Variants in GRM4 observed in about 807,000 individuals in gnomAD.
The protein encoded by GRM4 is glutamate metabotropic receptor 4.
In GRM4, 28 loss-of-function variants were observed where a neutral mutation model predicts 81.7. That is an observed-to-expected ratio of 0.34 (90% CI 0.25 to 0.47). The LOEUF (loss-of-function observed/expected upper bound fraction) is 0.47, where lower values mean the gene tolerates loss of function less well. Ranked by LOEUF, GRM4 falls within the 20% of genes least tolerant of loss-of-function variation. The probability of loss-of-function intolerance (pLI) is 1.00; values close to 1 mark genes in which losing one functional copy is unlikely to be tolerated. For synonymous variants in GRM4, 488 were observed against 528.8 expected (o/e 0.92, Z 1.06); for missense variants, 948 against 1,290.0 (o/e 0.73, Z 4.06).
chr6:34,069,292 C>T lies in GRM4; in HGVS notation c.737-7264G>A, dbSNP rs1766668395. On this transcript the variant is annotated intron_variant, in intron 3 of 10. Transcript: ENST00000538487. The surrounding 1 kb of genome is among the most constrained non-coding windows in gnomAD (Gnocchi z 6.4). Reference sequence around the variant, plus strand: ...TCAGGAAGGGGACCAGAAATAGCTGCTCAGAGGGCTTGGTGACTGGTGACT... The same window carrying T: ...TCAGGAAGGGGACCAGAAATAGCTGTTCAGAGGGCTTGGTGACTGGTGACT... Among the ~76,000 whole-genome samples, 1 of 152,184 alleles carries T rather than the reference C, an allele frequency of 6.6e-6. No homozygotes were observed. Among genetic ancestry groups the T allele is most frequent in the African/African-American group, 2.4e-5 (1 of 41,442 alleles).
intron 2 of GRM4, among the ~76,000 whole-genome samples, chr6:34,117,437 C>T (rs528653863): frequency 6.6e-6 from 1 of 152,328 alleles, no homozygotes; most frequent in South Asian, 2.1e-4. Flanking sequence ...ACAAACCCCA[C>T]CTGTCCATGG....
chr6:34,145,606 G>C (rs1380349153), intron 1 of GRM4, among the ~76,000 whole-genome samples: 1 of 152,220 alleles, frequency 6.6e-6, no homozygotes, highest in African/African-American at 2.4e-5. Context: ...GAGAGAGGGA[G>C]CGAGAGACGA....
At chr6:34,055,313 C>A (rs1056344290) in intron 6 of GRM4, 1 of 152,234 alleles carries the variant, frequency 6.6e-6, no homozygotes, top group Non-Finnish European at 1.5e-5. Flanking sequence ...AACACTGCCA[C>A]ACTGGGCACA....
intron 8 of GRM4, among the ~76,000 whole-genome samples, chr6:34,039,553 T>C (rs1237808733): frequency 6.6e-6 from 1 of 152,186 alleles, no homozygotes; most frequent in African/African-American, 2.4e-5. Flanking sequence ...CACTGCTCTG[T>C]TTCACAGCTG....
chr6:34,100,142 T>A, intron 2 of GRM4: 1 of 639,466 alleles, frequency 1.6e-6, no homozygotes, highest in Non-Finnish European at 1.9e-6. Flanking sequence ...TGTGCTCCAG[T>A]GCAATTGATC....
chr6:34,071,909 CACA>C (rs1766900241), intron 3 of GRM4, among the ~76,000 whole-genome samples: 3 of 100,468 alleles, frequency 3.0e-5, no homozygotes, highest in African/African-American at 5.7e-5. Context: ...ACAATCACCA[CACA>C]CCACACAGAT....
chr6:34,041,534 C>CTCTG (rs2080563701), intron 6 of GRM4, among the ~76,000 whole-genome samples: 1 of 152,206 alleles, frequency 6.6e-6, no homozygotes, highest in South Asian at 2.1e-4. Flanking sequence ...GTCCACTGAC[C>CTCTG]TCTGCTCTGG....
At chr6:34,149,949 G>T (rs1771012217), upstream of GRM4, among the ~76,000 whole-genome samples, 1 of 152,196 alleles carries the variant, frequency 6.6e-6, no homozygotes, top group Non-Finnish European at 1.5e-5. Context: ...CTTGGTGGGG[G>T]AACACTGTCT....
chr6:34,091,772 C>G (rs1262968090), intron 3 of GRM4, 111 bp downstream of exon 3: 4 of 771,396 alleles, frequency 5.2e-6, no homozygotes, highest in East Asian at 5.4e-5. Context: ...TGGCAACAGC[C>G]AGGCAGTCAG....
chr6:34,083,017 A>G (rs1173225365), intron 3 of GRM4, among the ~76,000 whole-genome samples: 1 of 152,234 alleles, frequency 6.6e-6, no homozygotes, highest in Non-Finnish European at 1.5e-5. Flanking sequence ...GGAATCTTCA[A>G]ACACATTCCA....
chr6:34,044,738 A>G (rs1250649253), intron 6 of GRM4, among the ~76,000 whole-genome samples: 1 of 138,878 alleles, frequency 7.2e-6, no homozygotes, highest in Non-Finnish European at 1.5e-5. Flanking sequence ...AGACATACAT[A>G]CATACACATA....
Position 34,059,378 on chromosome 6 carries a change from G to GT in GRM4, c.873-251dup, listed in dbSNP as rs1277358626. On this transcript the variant is annotated intron_variant, in intron 4 of 10. Transcript: ENST00000538487. The surrounding 1 kb of genome is among the most constrained non-coding windows in gnomAD (Gnocchi z 5.7). ...GGCCCACGCCTGCTGCAGGCCCAGC[G>GT]TGATTCTCCAGGCCTACATCTGTCC... The GT allele has an allele frequency of 1.3e-5, 7 of 544,426 alleles. No individual in the cohort carries two copies. The highest frequency in any genetic ancestry group is 2.3e-5 in the Non-Finnish European group (7 of 300,736). The allele number at this position is 544,426 out of a possible 1,614,324, so 33.7% of individuals were successfully genotyped here.
rs1765077915 is a variant in GRM4 at position 34,042,775 on chromosome 6, C to T, written c.1169-2027G>A. Reference sequence around the variant, plus strand: ...TGTCCAGCCCCCTGCCTTGGACACCCTGAAGGCAGACCCAGGGTGCAGGGG... The same window carrying T: ...TGTCCAGCCCCCTGCCTTGGACACCTTGAAGGCAGACCCAGGGTGCAGGGG... On this transcript the variant is annotated intron_variant, in intron 6 of 10. Coordinates refer to ENST00000538487, the MANE Select transcript of GRM4 (RefSeq NM_000841.4). The surrounding 1 kb of genome is among the most constrained non-coding windows in gnomAD (Gnocchi z 4.2). Among the ~76,000 whole-genome samples, 1 of 152,180 alleles carries T rather than the reference C, an allele frequency of 6.6e-6. No homozygotes were observed. Among genetic ancestry groups the T allele is most frequent in the Admixed American group, 6.5e-5 (1 of 15,294 alleles).
At position 34,152,216 on chromosome 6, in the gene GRM4, A is replaced by G. The variant is rs1771060389; in HGVS notation, c.312+2863T>C. On this transcript the variant is annotated intron_variant, in intron 1 of 8. Transcript: ENST00000374177. This position sits in a 1 kb window ranked among gnomAD's most constrained non-coding sequence, Gnocchi z 4.1. Reference sequence around the variant, plus strand: ...CCAAGCAGGACCCAGACAGCTGACAAGACAGAGAGCTGGACGTAGGCCCCG... The same window carrying G: ...CCAAGCAGGACCCAGACAGCTGACAGGACAGAGAGCTGGACGTAGGCCCCG... 6.6e-6 allele frequency among the ~76,000 whole-genome samples: 1 copy of G among 152,192 alleles called. No homozygotes were observed. Among genetic ancestry groups the G allele is most frequent in the Non-Finnish European group, 1.5e-5 (1 of 68,028 alleles).
At chr6:34,057,393 G>C (rs558888601) in intron 5 of GRM4, among the ~76,000 whole-genome samples, 1 of 152,190 alleles carries the variant, frequency 6.6e-6, no homozygotes, top group Admixed American at 6.5e-5. Flanking sequence ...CCATGGAAGC[G>C]TCCAAGTGGA....
At chr6:34,093,558 G>A (rs1367912999) in intron 2 of GRM4, among the ~76,000 whole-genome samples, 1 of 152,196 alleles carries the variant, frequency 6.6e-6, no homozygotes, top group Non-Finnish European at 1.5e-5. Flanking sequence ...TGGCATAAGG[G>A]GGTGGGACAT....
rs372500074 is a variant in GRM4, at chr6:34,022,936, A to G, written c.2690-66T>C. The G allele has an allele frequency of 3.4e-4, 417 of 1,241,670 alleles. No individual in the cohort carries two copies. The highest frequency in any genetic ancestry group is 1.9e-3 in the Admixed American group (116 of 59,524). 76.9% of individuals were successfully genotyped at this position (1,241,670 alleles called of 1,614,324 possible). On this transcript the variant is annotated intron_variant, in intron 10 of 10. Transcript: ENST00000538487. The surrounding 1 kb of genome is among the most constrained non-coding windows in gnomAD (Gnocchi z 5.6). ...TGCTTTTCTCAAACTGTCCTTCCAC[A>G]TGGGCACAGCCCTGCACAAGAACCT...
intron 3 of GRM4, among the ~76,000 whole-genome samples, chr6:34,087,706 C>CA (rs1343967908): frequency 2.4e-4 from 35 of 143,122 alleles, no homozygotes; most frequent in African/African-American, 7.2e-4. Context: ...ACAACCCCCC[C>CA]CCCACACACA....
chr6:34,042,082 T>C lies in GRM4; in HGVS notation c.1169-1334A>G, dbSNP rs557722898. ...GCCCAGCCAACACGCTGAAACCCCA[T>C]CTCTACTCAAAATACCAAAATTAGC... On this transcript the variant is annotated intron_variant, in intron 6 of 10. Transcript: ENST00000538487. This position sits in a 1 kb window ranked among gnomAD's most constrained non-coding sequence, Gnocchi z 4.2. Among the ~76,000 whole-genome samples, 55 of 152,152 alleles carry C rather than the reference T, an allele frequency of 3.6e-4. No individual in the cohort carries two copies. The South Asian group carries it at 0.011, about 31-fold the overall frequency.
Sources: gnomAD v4.1 joint callset for allele counts (sites outside exome capture counted in the v4.1 genomes callset) on GRCh38, gnomAD v4.1.1 for gene constraint, Gnocchi (gnomAD v3.1) non-coding constraint, MANE v1.5 for transcripts, NCBI Gene and HGNC (gene_info 2026-07-23, HGNC 2026-07-21) for gene names.